The following DRC12 variants were observed in gnomAD, a reference collection of about 807,000 sequenced individuals.
DRC12 encodes the protein dynein regulatory complex protein 12.
At chr11:119,195,239 G>C in the DRC12 span, 1 of 645,732 alleles carries the variant, frequency 1.5e-6, no homozygotes, top group East Asian at 2.7e-5. Context: ...GCTTAAAGGA[G>C]AGCGTGGGTG....
At chr11:119,194,671 C>T in the DRC12 span, among the ~76,000 whole-genome samples, 1 of 151,748 alleles carries the variant, frequency 6.6e-6, no homozygotes, top group Admixed American at 6.6e-5. Context: ...CATACCACTG[C>T]ACTCCAGCCC....
chr11:119,193,653 C>G, the DRC12 span: 1 of 1,491,684 alleles, frequency 6.7e-7, no homozygotes, highest in African/African-American at 1.4e-5. Context: ...AGACCAAGAC[C>G]AGGCCTGGCA....
chr11:119,194,680 C>A, the DRC12 span, among the ~76,000 whole-genome samples: 2 of 151,660 alleles, frequency 1.3e-5, no homozygotes, highest in African/African-American at 4.8e-5. Context: ...GCACTCCAGC[C>A]CGGGCAATAG....
At chr11:119,193,350 G>T in the DRC12 span, 26 of 943,354 alleles carry the variant, frequency 2.8e-5, no homozygotes, top group African/African-American at 3.3e-5. Context: ...TAGTGGAACA[G>T]GAGCACAAAG....
At chr11:119,195,129 G>A in the DRC12 span, 1 of 725,928 alleles carries the variant, frequency 1.4e-6, no homozygotes, top group Non-Finnish European at 2.3e-6. Flanking sequence ...CACAGTGGCA[G>A]AGTCTACTGA....
chr11:119,195,488 C>T, the DRC12 span: 1 of 1,551,278 alleles, frequency 6.4e-7, no homozygotes, highest in African/African-American at 1.4e-5. Context: ...TAGGTGGCAT[C>T]TCCTTGCTGT....
chr11:119,190,430 G>GC, the DRC12 span: 4 of 1,614,010 alleles, frequency 2.5e-6, no homozygotes, highest in Non-Finnish European at 2.5e-6. This position sits in a 1 kb window ranked among gnomAD's most constrained non-coding sequence, Gnocchi z 4.2. Context: ...TCTCAGCTTG[G>GC]CCAAGAGCCT....
chr11:119,193,187 G>A, the DRC12 span: 1 of 1,614,174 alleles, frequency 6.2e-7, no homozygotes. Flanking sequence ...TCTTCCTCCA[G>A]CTGCTTGCTG....
At chr11:119,195,699 T>A in the DRC12 span, 2 of 584,388 alleles carry the variant, frequency 3.4e-6, no homozygotes, top group East Asian at 2.9e-5. Context: ...CCAGGCTGAC[T>A]CTGTACAGAA....
the DRC12 span, chr11:119,193,117 G>C: frequency 1.3e-6 from 2 of 1,573,788 alleles, no homozygotes; most frequent in Non-Finnish European, 1.7e-6. Context: ...TGCAACTCTT[G>C]GAGAGAAGGG....
chr11:119,191,031 T>C, the DRC12 span, among the ~76,000 whole-genome samples: 2 of 151,888 alleles, frequency 1.3e-5, no homozygotes, highest in Non-Finnish European at 2.9e-5. Flanking sequence ...GGGCTTGAGA[T>C]AGAAGGCTCC....
At chr11:119,194,031 T>G in the DRC12 span, 1 of 789,854 alleles carries the variant, frequency 1.3e-6, no homozygotes, top group East Asian at 2.8e-5. Flanking sequence ...GTTGTTTTTG[T>G]TTTTTATCCC....
chr11:119,191,541 T>C, the DRC12 span, among the ~76,000 whole-genome samples: 1 of 151,050 alleles, frequency 6.6e-6, no homozygotes, highest in Non-Finnish European at 1.5e-5. Flanking sequence ...GTGCGGTGGC[T>C]CACGCCTGTA....
the DRC12 span, chr11:119,193,501 A>G: frequency 1.2e-5 from 15 of 1,258,806 alleles, no homozygotes; most frequent in South Asian, 2.2e-4. Context: ...GCTGATTGAG[A>G]TGATGGCTAT....
chr11:119,194,534 A>AC, the DRC12 span, among the ~76,000 whole-genome samples: 1 of 135,872 alleles, frequency 7.4e-6, no homozygotes, highest in African/African-American at 2.9e-5. Context: ...AAAAAAAAAA[A>AC]AAAAAAAAAA....
chr11:119,193,824 C>G, the DRC12 span: 2 of 1,551,690 alleles, frequency 1.3e-6, no homozygotes, highest in Non-Finnish European at 1.7e-6. Flanking sequence ...CCACCCCTTG[C>G]AGCCTCTGCC....
chr11:119,195,293 A>T, the DRC12 span: 3 of 807,498 alleles, frequency 3.7e-6, no homozygotes, highest in African/African-American at 5.2e-5. Flanking sequence ...GGCTGTGAGG[A>T]CATGAAAGAG....
chr11:119,193,178 C>T, the DRC12 span: 8 of 1,614,048 alleles, frequency 5.0e-6, no homozygotes, highest in Non-Finnish European at 6.8e-6. Context: ...CCTTTGACTT[C>T]TTCCTCCAGC....
the DRC12 span, chr11:119,193,484 C>T: frequency 8.4e-7 from 1 of 1,189,572 alleles, no homozygotes; most frequent in East Asian, 2.6e-5. Context: ...CTTCTCCCCG[C>T]CCATGGGCTG....
Sources: allele counts gnomAD v4.1 joint callset (sites outside exome capture counted in the v4.1 genomes callset), GRCh38; gene constraint gnomAD v4.1.1; non-coding constraint Gnocchi (gnomAD v3.1); transcripts MANE v1.5; gene names NCBI Gene and HGNC (gene_info 2026-07-23, HGNC 2026-07-21).